Variants in HEATR4 observed in about 807,000 individuals in gnomAD.
The protein encoded by HEATR4 is HEAT repeat containing 4.
A neutral mutation model predicts 108.8 loss-of-function variants in HEATR4; 95 were observed. The ratio of observed to expected loss-of-function variants is 0.87; its 90% CI spans 0.74 to 1.04. The LOEUF is 1.04. Among genes scored for constraint, HEATR4 ranks in the 50% least tolerant of loss-of-function variants. The pLI is 0.00. For synonymous variants in HEATR4, 443 were observed against 459.4 expected (o/e 0.96, Z 0.46); for missense variants, 1,152 against 1,253.8 (o/e 0.92, Z 1.23).
the HEATR4 span, among the ~76,000 whole-genome samples, chr14:73,597,906 T>C: frequency 6.6e-6 from 1 of 151,774 alleles, no homozygotes; most frequent in Non-Finnish European, 1.5e-5. Context: ...ATTTCTTTTG[T>C]AGAGATGGGG....
chr14:73,613,905 A>T, the HEATR4 span, among the ~76,000 whole-genome samples: 1 of 151,908 alleles, frequency 6.6e-6, no homozygotes, highest in Non-Finnish European at 1.5e-5. Flanking sequence ...TATAAAAATG[A>T]TGAGCCGGGC....
At chr14:73,607,220 G>T in the HEATR4 span, among the ~76,000 whole-genome samples, 1 of 152,214 alleles carries the variant, frequency 6.6e-6, no homozygotes, top group Non-Finnish European at 1.5e-5. Flanking sequence ...TGACGCAGGA[G>T]AATTGCTTGA....
the HEATR4 span, among the ~76,000 whole-genome samples, chr14:73,607,978 A>G: frequency 6.9e-6 from 1 of 144,530 alleles, no homozygotes; most frequent in East Asian, 2.2e-4. Flanking sequence ...AGGCTGAAGT[A>G]CAGTGGTGCA....
Position 73,520,979 on chromosome 14 carries a change from A to C in HEATR4, c.942T>G (p.Thr314=). The part of the protein sequence containing the change: ...TVEIMPGNKS[T]EDIHEKTSLS... ...GGCTCGTCTTTTCATGGATATCCTCAGTGCTCTTGTTGCCAGGCATGATCT... is the reference window on the plus strand; with the variant it reads ...GGCTCGTCTTTTCATGGATATCCTCCGTGCTCTTGTTGCCAGGCATGATCT... The change falls in exon 4 of 18, where the codon ACT becomes ACG. Residue 314 remains threonine, a synonymous_variant. Coordinates refer to ENST00000553558, the MANE Select transcript of HEATR4 (RefSeq NM_001220484.1). The C allele has an allele frequency of 6.2e-7, 1 of 1,613,656 alleles. No individual in the cohort carries two copies. Among genetic ancestry groups the C allele is most frequent in the Non-Finnish European group, 8.5e-7 (1 of 1,179,968 alleles).
Position 73,534,948 on chromosome 14 carries a change from C to T in HEATR4, c.-151-4704G>A, listed in dbSNP as rs760455107. Among the ~76,000 whole-genome samples the T allele has an allele frequency of 1.2e-4, 13 of 111,992 alleles. 5 individuals are homozygous for T. The highest frequency in any genetic ancestry group is 2.5e-4 in the Non-Finnish European group (13 of 51,954). The allele number at this position is 111,992 out of a possible 152,430, so 73.5% of individuals were successfully genotyped here. ...AGGCATCTACCACTGCATTCAGCTA[C>T]TGGGGGAGTGTTTGACTAGTCTTTT... On this transcript the variant is annotated intron_variant, in intron 1 of 17. Coordinates refer to ENST00000553558, the MANE Select transcript of HEATR4 (RefSeq NM_001220484.1).
chr14:73,626,785 CAG>C, the HEATR4 span, among the ~76,000 whole-genome samples: 1 of 136,828 alleles, frequency 7.3e-6, no homozygotes, highest in African/African-American at 2.9e-5. Flanking sequence ...AACAGACAAA[CAG>C]CCTTTTTTTT....
At chr14:73,563,814 T>A (rs2336136), upstream of HEATR4, among the ~76,000 whole-genome samples, 118,103 of 151,580 alleles carry the variant, frequency 0.78, 46,540 homozygotes, top group East Asian at 0.94. Flanking sequence ...AAAAAATAAA[T>A]AAATAAATGG....
At chr14:73,495,010 C>CT (rs767649595) in intron 16 of HEATR4, among the ~76,000 whole-genome samples, 40 of 151,326 alleles carry the variant, frequency 2.6e-4, no homozygotes, top group Non-Finnish European at 5.3e-4. Flanking sequence ...ATAGAGATAA[C>CT]TTTTTTTTAA....
At chr14:73,586,437 G>A in the HEATR4 span, among the ~76,000 whole-genome samples, 3 of 151,164 alleles carry the variant, frequency 2.0e-5, no homozygotes, top group South Asian at 4.2e-4. Flanking sequence ...AGGCTCAGTG[G>A]TTCATGCCTG....
chr14:73,570,486 G>T, the HEATR4 span, among the ~76,000 whole-genome samples: 1 of 151,858 alleles, frequency 6.6e-6, no homozygotes, highest in Admixed American at 6.6e-5. Flanking sequence ...GGAGAATGGT[G>T]TGAACCCGGG....
chr14:73,596,429 G>C, the HEATR4 span: 1 of 152,036 alleles, frequency 6.6e-6, no homozygotes, highest in Admixed American at 6.6e-5. Flanking sequence ...GGGAGGTCAA[G>C]ATTGGTGCAG....
the HEATR4 span, among the ~76,000 whole-genome samples, chr14:73,622,289 C>T: frequency 6.6e-6 from 1 of 152,186 alleles, no homozygotes; most frequent in South Asian, 2.1e-4. Context: ...TAGGGCAAGA[C>T]AGCCCTAGAC....
rs534670208 is a variant in HEATR4 at position 73,536,327 on chromosome 14, TG to T, written c.-151-6084del. Among the ~76,000 whole-genome samples, 195 of 109,940 alleles carry T rather than the reference TG, an allele frequency of 1.8e-3. 46 individuals are homozygous for T. Among genetic ancestry groups the T allele is most frequent in the African/African-American group, 5.5e-3 (185 of 33,700 alleles). 72.1% of individuals were successfully genotyped at this position (109,940 alleles called of 152,430 possible). On this transcript the variant is annotated intron_variant, in intron 1 of 17. Transcript: ENST00000553558. ...ATGAAAAAAAAAAACCACCTCTGGT[TG>T]GAACCAATAGCCTATGAAAAAGTAG... is the stretch of plus-strand genomic sequence containing the variant.
At chr14:73,592,106 C>A in the HEATR4 span, 1 of 1,509,202 alleles carries the variant, frequency 6.6e-7, no homozygotes, top group South Asian at 1.3e-5. Context: ...TCCGGGCCCA[C>A]GCGCGCTACT....
intron 17 of HEATR4, among the ~76,000 whole-genome samples, chr14:73,488,147 C>T (rs1465259494): frequency 6.6e-6 from 1 of 152,150 alleles, no homozygotes; most frequent in Non-Finnish European, 1.5e-5. Flanking sequence ...TCTGTGTCCC[C>T]ACCCAAATCT....
At chr14:73,490,934 G>C in intron 17 of HEATR4, 1 of 1,268,942 alleles carries the variant, frequency 7.9e-7, no homozygotes, top group Middle Eastern at 3.0e-4. Context: ...CCCCTTCCCA[G>C]AGTGCACCGC....
chr14:73,511,552 T>C (rs1382532448), intron 7 of HEATR4, among the ~76,000 whole-genome samples: 1 of 128,806 alleles, frequency 7.8e-6, no homozygotes, highest in Non-Finnish European at 1.7e-5. Context: ...AATAAATAAA[T>C]AAATAAATAA....
intron 17 of HEATR4, among the ~76,000 whole-genome samples, chr14:73,489,650 G>A (rs1258384320): frequency 1.3e-5 from 2 of 152,140 alleles, no homozygotes; most frequent in Non-Finnish European, 2.9e-5. Flanking sequence ...CAGTGACCAC[G>A]TTCTCAAAAA....
At chr14:73,498,958 G>A in intron 13 of HEATR4, 113 bp downstream of exon 13, 1 of 886,986 alleles carries the variant, frequency 1.1e-6, no homozygotes, top group Non-Finnish European at 1.9e-6. Flanking sequence ...GAAAAGCTAA[G>A]ATCATTACCT....
Sources: gnomAD v4.1 joint callset for allele counts (sites outside exome capture counted in the v4.1 genomes callset) on GRCh38, gnomAD v4.1.1 for gene constraint, MANE v1.5 for transcripts, NCBI Gene and HGNC (gene_info 2026-07-23, HGNC 2026-07-21) for gene names.